The following MAGI1 variants were observed in gnomAD, a reference collection of about 807,000 sequenced individuals.
The protein encoded by MAGI1 is membrane-associated guanylate kinase, WW and PDZ domain-containing protein 1.
In MAGI1, 58 loss-of-function variants were observed where a neutral mutation model predicts 139.9. The ratio of observed to expected loss-of-function variants is 0.41; its 90% CI spans 0.34 to 0.52. The LOEUF is 0.52. Among genes scored for constraint, MAGI1 ranks in the 20% least tolerant of loss-of-function variants. MAGI1 has a pLI of 0.12. For synonymous variants in MAGI1, 812 were observed against 737.9 expected (o/e 1.10, Z -1.63); for missense variants, 1,874 against 1,901.6 (o/e 0.99, Z 0.27).
intron 1 of MAGI1, among the ~76,000 whole-genome samples, chr3:65,755,576 A>ATT (rs1420891332): frequency 2.6e-5 from 4 of 152,224 alleles, no homozygotes; most frequent in African/African-American, 9.6e-5. Context: ...AGTGGTAGGA[A>ATT]TTTACACATA....
intron 1 of MAGI1, among the ~76,000 whole-genome samples, chr3:65,629,897 C>T (rs2084193473): frequency 1.3e-5 from 2 of 152,064 alleles, no homozygotes; most frequent in Non-Finnish European, 1.5e-5. Flanking sequence ...CTTAATGCTA[C>T]AGAACCACAT....
chr3:65,864,201 A>C (rs1033370990), intron 1 of MAGI1, among the ~76,000 whole-genome samples: 3 of 152,180 alleles, frequency 2.0e-5, no homozygotes, highest in African/African-American at 7.2e-5. Flanking sequence ...ATACATACAC[A>C]GACACACACA....
chr3:65,576,229 A>G (rs2081169979), intron 2 of MAGI1, among the ~76,000 whole-genome samples: 1 of 152,240 alleles, frequency 6.6e-6, no homozygotes, highest in African/African-American at 2.4e-5. Flanking sequence ...ATATCTAATT[A>G]ATCAAGTAAC....
intron 1 of MAGI1, among the ~76,000 whole-genome samples, chr3:65,696,218 T>A (rs963379455): frequency 6.6e-6 from 1 of 152,178 alleles, no homozygotes; most frequent in African/African-American, 2.4e-5. Context: ...ACTCACCTTA[T>A]CAAGGAGGCC....
At chr3:66,009,698 T>G (rs886821448) in intron 1 of MAGI1, among the ~76,000 whole-genome samples, 2 of 152,102 alleles carry the variant, frequency 1.3e-5, no homozygotes, top group Non-Finnish European at 2.9e-5. Flanking sequence ...AGGTGTTCAA[T>G]AAAAAATGTA....
At chr3:66,008,686 T>C (rs1291218154) in intron 1 of MAGI1, 2 of 140,224 alleles carry the variant, frequency 1.4e-5, no homozygotes, top group Non-Finnish European at 3.2e-5. Context: ...TGACTACATA[T>C]TAAGTAGGAA....
chr3:66,031,140 C>T (rs576379638), intron 1 of MAGI1, among the ~76,000 whole-genome samples: 1 of 152,178 alleles, frequency 6.6e-6, no homozygotes, highest in Non-Finnish European at 1.5e-5. Flanking sequence ...TGCAAAAAGA[C>T]AGGCAGGCAT....
chr3:65,589,816 G>A (rs896547468), intron 2 of MAGI1, among the ~76,000 whole-genome samples: 7 of 149,924 alleles, frequency 4.7e-5, no homozygotes, highest in Non-Finnish European at 7.4e-5. Context: ...CCTTGCTTTA[G>A]ATGGTTGCCA....
At chr3:65,536,851 G>T (rs2078980379) in intron 2 of MAGI1, among the ~76,000 whole-genome samples, 3 of 152,214 alleles carry the variant, frequency 2.0e-5, no homozygotes, top group African/African-American at 7.2e-5. Flanking sequence ...ATAAGACTGA[G>T]AATGGCACCA....
intron 6 of MAGI1, among the ~76,000 whole-genome samples, chr3:65,449,907 TG>T (rs201334622): frequency 6.6e-6 from 1 of 152,200 alleles, no homozygotes; most frequent in East Asian, 1.9e-4. Context: ...ATCATATTTT[TG>T]GGGGCAAAGT....
chr3:65,423,414 G>A (rs779991281), intron 12 of MAGI1, among the ~76,000 whole-genome samples: 1 of 150,822 alleles, frequency 6.6e-6, no homozygotes, highest in Non-Finnish European at 1.5e-5. Context: ...AAGAGCTAAT[G>A]CTAATGATGC....
At chr3:65,916,742 T>C (rs9864842) in intron 1 of MAGI1, among the ~76,000 whole-genome samples, 1 of 151,726 alleles carries the variant, frequency 6.6e-6, no homozygotes, top group African/African-American at 2.4e-5. Context: ...CTGGCCTATA[T>C]ACATGAATTT....
intron 12 of MAGI1, among the ~76,000 whole-genome samples, chr3:65,416,764 G>A (rs1946249531): frequency 6.6e-6 from 1 of 152,164 alleles, no homozygotes; most frequent in African/African-American, 2.4e-5. Flanking sequence ...TTACTCCTAA[G>A]GGCTCCAGGC....
At chr3:65,370,508 G>A (rs1941881298) in intron 18 of MAGI1, among the ~76,000 whole-genome samples, 1 of 152,198 alleles carries the variant, frequency 6.6e-6, no homozygotes, top group African/African-American at 2.4e-5. Context: ...AGCACAAGGT[G>A]TCTATGTGAA....
At chr3:65,579,928 T>C (rs1478522505) in intron 2 of MAGI1, among the ~76,000 whole-genome samples, 1 of 152,162 alleles carries the variant, frequency 6.6e-6, no homozygotes, top group Non-Finnish European at 1.5e-5. Context: ...GGCACTCTTT[T>C]TTCATTAATT....
chr3:65,912,869 A>G (rs1331171108), intron 1 of MAGI1, among the ~76,000 whole-genome samples: 1 of 152,246 alleles, frequency 6.6e-6, no homozygotes, highest in Admixed American at 6.5e-5. Flanking sequence ...TACACTAGGT[A>G]CAAGTCATGA....
intron 1 of MAGI1, among the ~76,000 whole-genome samples, chr3:65,803,090 T>C (rs747865359): frequency 1.1e-4 from 17 of 152,180 alleles, no homozygotes; most frequent in Admixed American, 1.1e-3. Context: ...TGTTTCTTTG[T>C]TTTCTGCTAC....
At chr3:65,596,848 C>T (rs368336053) in intron 2 of MAGI1, among the ~76,000 whole-genome samples, 1 of 152,236 alleles carries the variant, frequency 6.6e-6, no homozygotes, top group East Asian at 1.9e-4. Context: ...CACAGACATA[C>T]ATCTCTTACC....
At chr3:65,797,991 A>T (rs2040255442) in intron 1 of MAGI1, among the ~76,000 whole-genome samples, 1 of 152,132 alleles carries the variant, frequency 6.6e-6, no homozygotes, top group Non-Finnish European at 1.5e-5. Flanking sequence ...TCTAAAATGC[A>T]TCTTCAATTC....
Sources: gnomAD v4.1 joint callset for allele counts (sites outside exome capture counted in the v4.1 genomes callset) on GRCh38, gnomAD v4.1.1 for gene constraint, MANE v1.5 for transcripts, NCBI Gene and HGNC (gene_info 2026-07-23, HGNC 2026-07-21) for gene names.